The following FHIT variants were observed in gnomAD, a reference collection of about 807,000 sequenced individuals.
FHIT encodes the protein fragile histidine triad diadenosine triphosphatase.
In FHIT, 19 loss-of-function variants were observed where a neutral mutation model predicts 17.9. The ratio of observed to expected loss-of-function variants is 1.06; its 90% CI spans 0.74 to 1.56. The LOEUF is 1.56. Ranked by LOEUF, FHIT falls within the 40% of genes most tolerant of loss-of-function variation. The pLI is 0.00. For synonymous variants in FHIT, 81 were observed against 69.7 expected (o/e 1.16, Z -0.81); for missense variants, 248 against 189.2 (o/e 1.31, Z -1.82).
chr3:60,239,194 A>C (rs919028406), intron 5 of FHIT, among the ~76,000 whole-genome samples: 8 of 152,312 alleles, frequency 5.3e-5, no homozygotes, highest in African/African-American at 1.9e-4. Context: ...GGGAAGACTG[A>C]AAAAGAGGGA....
chr3:60,670,023 A>C (rs782754422), intron 4 of FHIT, among the ~76,000 whole-genome samples: 11 of 152,162 alleles, frequency 7.2e-5, no homozygotes, highest in Non-Finnish European at 1.3e-4. Flanking sequence ...GCTTTTTGGC[A>C]AACAGAAGTT....
intron 8 of FHIT, among the ~76,000 whole-genome samples, chr3:59,761,480 T>A (rs1358567938): frequency 1.3e-5 from 2 of 152,180 alleles, no homozygotes; most frequent in African/African-American, 4.8e-5. Context: ...AAGTTGAATG[T>A]ATAAATCAGG....
chr3:60,661,703 C>T (rs1553691204), intron 4 of FHIT, among the ~76,000 whole-genome samples: 1 of 152,124 alleles, frequency 6.6e-6, no homozygotes, highest in East Asian at 1.9e-4. Flanking sequence ...ACCACATCCC[C>T]ACCAACATCT....
At chr3:60,662,234 A>T (rs2040274598) in intron 4 of FHIT, among the ~76,000 whole-genome samples, 1 of 152,164 alleles carries the variant, frequency 6.6e-6, no homozygotes, top group Non-Finnish European at 1.5e-5. Flanking sequence ...AGAGATGAGG[A>T]TCCAGTTTCA....
chr3:60,464,741 T>C (rs970466755), intron 5 of FHIT, among the ~76,000 whole-genome samples: 14 of 152,224 alleles, frequency 9.2e-5, no homozygotes, highest in Admixed American at 7.9e-4. Context: ...ATGTATCATA[T>C]TTTCTTTATC....
intron 5 of FHIT, among the ~76,000 whole-genome samples, chr3:60,258,485 A>T (rs1048833270): frequency 6.6e-6 from 1 of 152,158 alleles, no homozygotes; most frequent in Non-Finnish European, 1.5e-5. Context: ...TATATCTTTG[A>T]CATATGGCAT....
At chr3:60,664,847 T>C (rs1394259499) in intron 4 of FHIT, among the ~76,000 whole-genome samples, 5 of 151,890 alleles carry the variant, frequency 3.3e-5, no homozygotes, top group Non-Finnish European at 7.4e-5. Flanking sequence ...TTCCTGGTAT[T>C]GGTAATTTTG....
chr3:60,331,909 C>T (rs17062781), intron 5 of FHIT, among the ~76,000 whole-genome samples: 5 of 151,464 alleles, frequency 3.3e-5, no homozygotes, highest in African/African-American at 1.2e-4. Flanking sequence ...AGGAAGCATG[C>T]CCTAAGATCT....
At chr3:60,209,837 G>A (rs139883564) in intron 5 of FHIT, among the ~76,000 whole-genome samples, 1 of 152,176 alleles carries the variant, frequency 6.6e-6, no homozygotes, top group Non-Finnish European at 1.5e-5. Context: ...CACAGGAACA[G>A]AACACCAAAT....
chr3:61,049,988 A>T (rs9875360), intron 2 of FHIT, among the ~76,000 whole-genome samples: 4,181 of 152,212 alleles, frequency 0.027, 122 homozygotes, highest in African/African-American at 0.074. Context: ...GTTTATTACC[A>T]TTAGATCACA....
At chr3:60,148,327 C>G (rs1700324531) in intron 5 of FHIT, among the ~76,000 whole-genome samples, 1 of 152,038 alleles carries the variant, frequency 6.6e-6, no homozygotes, top group Non-Finnish European at 1.5e-5. Flanking sequence ...GTACTTTGCA[C>G]AAGTCAGGGA....
At chr3:60,559,885 G>A (rs1168142005) in intron 4 of FHIT, among the ~76,000 whole-genome samples, 1 of 152,116 alleles carries the variant, frequency 6.6e-6, no homozygotes, top group Non-Finnish European at 1.5e-5. Flanking sequence ...TCCTGTGTTG[G>A]TGGCCATGGA....
At chr3:60,714,946 T>C (rs1468188370) in intron 4 of FHIT, among the ~76,000 whole-genome samples, 1 of 152,234 alleles carries the variant, frequency 6.6e-6, no homozygotes, top group East Asian at 1.9e-4. Context: ...TTAAAGTTCA[T>C]ATGGAACCAA....
chr3:60,838,275 C>G (rs782165925), intron 3 of FHIT, among the ~76,000 whole-genome samples: 6 of 152,066 alleles, frequency 3.9e-5, no homozygotes, highest in African/African-American at 1.4e-4. Context: ...GAGTTCGCGA[C>G]GAACCTGGGC....
At chr3:60,412,693 T>G (rs1281988583) in intron 5 of FHIT, among the ~76,000 whole-genome samples, 1 of 152,078 alleles carries the variant, frequency 6.6e-6, no homozygotes, top group African/African-American at 2.4e-5. Flanking sequence ...CTGAGCAGAG[T>G]CTCAAACTGA....
chr3:60,986,729 A>C (rs535666132), intron 3 of FHIT, among the ~76,000 whole-genome samples: 1 of 152,064 alleles, frequency 6.6e-6, no homozygotes, highest in East Asian at 1.9e-4. Flanking sequence ...TTCACCACAC[A>C]CTCAAGAACT....
chr3:60,046,579 A>G (rs1315253922), intron 5 of FHIT, among the ~76,000 whole-genome samples: 1 of 152,228 alleles, frequency 6.6e-6, no homozygotes, highest in African/African-American at 2.4e-5. Context: ...GAAAAATAAA[A>G]AAGACAAACA....
At chr3:60,856,941 C>T (rs1439328628) in intron 3 of FHIT, among the ~76,000 whole-genome samples, 1 of 152,180 alleles carries the variant, frequency 6.6e-6, no homozygotes, top group Non-Finnish European at 1.5e-5. Flanking sequence ...TTATCCACAA[C>T]CATGCCCCAC....
At chr3:60,503,380 C>G (rs1406868093) in intron 5 of FHIT, among the ~76,000 whole-genome samples, 2 of 152,062 alleles carry the variant, frequency 1.3e-5, no homozygotes, top group African/African-American at 2.4e-5. Context: ...CATTTATTAT[C>G]ATAACATTTA....
Sources: allele counts gnomAD v4.1 joint callset (sites outside exome capture counted in the v4.1 genomes callset), GRCh38; gene constraint gnomAD v4.1.1; transcripts MANE v1.5; gene names NCBI Gene and HGNC (gene_info 2026-07-23, HGNC 2026-07-21).